MOB4: variants seen among roughly 807,000 people sequenced by gnomAD.
MOB4 encodes the protein MOB family member 4, phocein.
A neutral mutation model predicts 32.2 loss-of-function variants in MOB4; 4 were observed. That is an observed-to-expected ratio of 0.12 (90% CI 0.06 to 0.28). MOB4 has a LOEUF of 0.28. MOB4 is among the 10% of genes least tolerant of loss of function. The pLI is 1.00. For missense variants in MOB4, 158 were observed against 271.2 expected, an observed-to-expected ratio of 0.58 and a Z score of 2.93; for synonymous variants, 88 against 88.1, an observed-to-expected ratio of 1.00 and a Z score of 0.01.
chr2:197,550,147 G>GTGACCT (rs2087073085), intron 6 of MOB4, 128 bp from the exon 7 acceptor site: 12 of 759,968 alleles, frequency 1.6e-5, no homozygotes, highest in Non-Finnish European at 2.0e-5. Context: ...TACTCGCAGT[G>GTGACCT]TGACCTTGGA....
chr2:197,516,272 G>C, intron 1 of MOB4, 126 bp downstream of exon 1: 1 of 1,466,790 alleles, frequency 6.8e-7, no homozygotes, highest in South Asian at 1.4e-5. Context: ...ACTGGTGCCC[G>C]GCCTGCTCTT....
chr2:197,515,925 G>A, upstream of MOB4: 1 of 680,594 alleles, frequency 1.5e-6, no homozygotes, highest in Non-Finnish European at 2.4e-6. Flanking sequence ...CTCTCCCTCC[G>A]CCTAGCCCGC....
chr2:197,530,872 GACCTGAGCTACCAC>G (rs1280092260), intron 2 of MOB4, among the ~76,000 whole-genome samples: 1 of 151,880 alleles, frequency 6.6e-6, no homozygotes, highest in Non-Finnish European at 1.5e-5. Flanking sequence ...CTGGGATACA[GACCTGAGCTACCAC>G]ACCTGGACTT....
At chr2:197,549,980 A>G (rs1164164941) in intron 6 of MOB4, among the ~76,000 whole-genome samples, 2 of 152,150 alleles carry the variant, frequency 1.3e-5, no homozygotes, top group Non-Finnish European at 2.9e-5. Context: ...AATGTTGGAA[A>G]TAGATGTTAT....
At chr2:197,521,053 AGT>A (rs1235376935) in intron 1 of MOB4, among the ~76,000 whole-genome samples, 3 of 152,174 alleles carry the variant, frequency 2.0e-5, no homozygotes, top group Non-Finnish European at 4.4e-5. Flanking sequence ...ACAAGCATGC[AGT>A]GTATAATAAT....
intron 5 of MOB4, among the ~76,000 whole-genome samples, chr2:197,546,740 T>A (rs2087000487): frequency 6.6e-6 from 1 of 152,162 alleles, no homozygotes; most frequent in African/African-American, 2.4e-5. Flanking sequence ...CATTATACAG[T>A]TGACCCTTGA....
At chr2:197,549,413 T>C (rs1282791407) in intron 6 of MOB4, among the ~76,000 whole-genome samples, 1 of 152,162 alleles carries the variant, frequency 6.6e-6, no homozygotes, top group Non-Finnish European at 1.5e-5. Flanking sequence ...CAAATATGAT[T>C]AGCTTCAAAG....
intron 1 of MOB4, among the ~76,000 whole-genome samples, chr2:197,519,198 A>G (rs997881648): frequency 7.9e-5 from 12 of 152,216 alleles, no homozygotes; most frequent in Admixed American, 2.6e-4. Flanking sequence ...GCTGGGCTTC[A>G]TAGTTGGTTT....
chr2:197,549,545 AT>A (rs1474601132), intron 6 of MOB4, among the ~76,000 whole-genome samples: 1 of 152,090 alleles, frequency 6.6e-6, no homozygotes, highest in East Asian at 1.9e-4. Context: ...AACAATTTTA[AT>A]TTCTCTCTCT....
At chr2:197,545,363 A>G (rs2086975741) in intron 5 of MOB4, among the ~76,000 whole-genome samples, 1 of 152,194 alleles carries the variant, frequency 6.6e-6, no homozygotes, top group South Asian at 2.1e-4. Context: ...TACAATATAA[A>G]TGCTATATAA....
chr2:197,548,156 G>A (rs1057461707), intron 5 of MOB4, among the ~76,000 whole-genome samples, 180 bp from the exon 6 acceptor site: 2 of 151,940 alleles, frequency 1.3e-5, no homozygotes, highest in African/African-American at 4.9e-5. Flanking sequence ...TATGGTTCAA[G>A]GGGATAATAA....
chr2:197,520,846 C>G, intron 1 of MOB4, among the ~76,000 whole-genome samples: 1 of 134,916 alleles, frequency 7.4e-6, no homozygotes, highest in South Asian at 2.2e-4. Flanking sequence ...TTGTTTGTGA[C>G]CAGGAGTTTG....
chr2:197,551,338 C>T lies in MOB4; in HGVS notation c.*692C>T, dbSNP rs2087094379. 1 of 152,708 alleles carries T rather than the reference C, an allele frequency of 6.5e-6. No individual in the cohort carries two copies. The highest frequency in any genetic ancestry group is 1.5e-5 in the Non-Finnish European group (1 of 68,022). 9.5% of individuals were successfully genotyped at this position (152,708 alleles called of 1,614,324 possible). ...ACATAAATTATTTTCCCACTGGAAA[C>T]CTGCCCTGTCCACCCCTTCTCATTT... On this transcript the variant is annotated 3_prime_UTR_variant, in exon 8 of 8. Coordinates refer to ENST00000323303, the MANE Select transcript of MOB4 (RefSeq NM_015387.5).
intron 2 of MOB4, among the ~76,000 whole-genome samples, chr2:197,532,207 C>T (rs1465739637): frequency 6.6e-6 from 1 of 152,076 alleles, no homozygotes; most frequent in Admixed American, 6.6e-5. Context: ...TTGTGACTGG[C>T]CAAAATGGCA....
At chr2:197,543,686 C>T (rs1308038827) in intron 5 of MOB4, among the ~76,000 whole-genome samples, 2 of 152,186 alleles carry the variant, frequency 1.3e-5, no homozygotes, top group East Asian at 3.9e-4. Flanking sequence ...TAGGTAGAAG[C>T]TGCCAAAGGA....
At chr2:197,535,378 T>C (rs1030058523) in intron 2 of MOB4, 152 bp from the exon 3 acceptor site, 1 of 547,272 alleles carries the variant, frequency 1.8e-6, no homozygotes, top group Non-Finnish European at 2.9e-6. Context: ...TTTTCTTAGT[T>C]ACTGATTATG....
chr2:197,528,875 C>T (rs926998383), intron 2 of MOB4, among the ~76,000 whole-genome samples: 1 of 152,074 alleles, frequency 6.6e-6, no homozygotes, highest in African/African-American at 2.4e-5. Context: ...CCTCGGCTTC[C>T]CAAAGTGCTG....
rs369569919 is a variant in MOB4, at chr2:197,549,653, G to A, written c.435-622G>A. Among the ~76,000 whole-genome samples, 40 of 152,070 alleles carry A rather than the reference G, an allele frequency of 2.6e-4. No homozygotes were observed. In the East Asian group the frequency reaches 6.4e-3, roughly 24 times the overall value. ...CAACCTCTGCCTCCTGGGTTCAAGCGTTTCTCCTGCCTCAGCCTCATGAGT... is the reference window on the plus strand; with the variant it reads ...CAACCTCTGCCTCCTGGGTTCAAGCATTTCTCCTGCCTCAGCCTCATGAGT... On this transcript the variant is annotated intron_variant, in intron 6 of 7. Coordinates refer to ENST00000323303, the MANE Select transcript of MOB4 (RefSeq NM_015387.5).
At chr2:197,515,962 G>A, upstream of MOB4, 3 of 995,788 alleles carry the variant, frequency 3.0e-6, no homozygotes, top group Non-Finnish European at 4.4e-6. Context: ...CCCGGCGCAG[G>A]CTGCAGCTGT....
Sources: gnomAD v4.1 joint callset for allele counts (sites outside exome capture counted in the v4.1 genomes callset) on GRCh38, gnomAD v4.1.1 for gene constraint, MANE v1.5 for transcripts, NCBI Gene and HGNC (gene_info 2026-07-23, HGNC 2026-07-21) for gene names.